The following RYR3 variants were observed in gnomAD, a reference collection of about 807,000 sequenced individuals.
RYR3 encodes the protein brain ryanodine receptor-calcium release channel.
RYR3 carries 207 observed loss-of-function variants against 584.3 expected under a neutral mutation model. The observed-to-expected ratio is 0.35, with a 90% CI of 0.32 to 0.40. The LOEUF is 0.40. Ranked by LOEUF, RYR3 falls within the 10% of genes least tolerant of loss-of-function variation. RYR3 has a pLI of 1.00. For missense variants in RYR3, 5,616 were observed against 6,089.2 expected (o/e 0.92, Z 2.59); for synonymous variants, 2,416 against 2,248.5 (o/e 1.07, Z -2.11).
chr15:33,838,781 C>G lies in RYR3; in HGVS notation c.12801C>G (p.Phe4267Leu). The change falls in exon 89 of 104, where the codon TTC becomes TTG. Residue 4267 changes from phenylalanine to leucine, a missense_variant. By Grantham distance (22) the Phe-to-Leu change is conservative (BLOSUM62 0). Transcript: ENST00000634891. Reference sequence around the variant, plus strand: ...GTATCACCACTGAACTAGTACACTTCATAAAGGGGGAGAAGGGAGATACAG... The same window carrying G: ...GTATCACCACTGAACTAGTACACTTGATAAAGGGGGAGAAGGGAGATACAG... ...EPGITTELVH[F>L]IKGEKGDTDI... 6.2e-7 allele frequency: 1 copy of G among 1,613,890 alleles called. No individual in the cohort carries two copies. Among genetic ancestry groups the G allele is most frequent in the Non-Finnish European group, 8.5e-7 (1 of 1,179,872 alleles).
At chr15:33,317,075 A>T (rs1968282061) in intron 1 of RYR3, among the ~76,000 whole-genome samples, 1 of 152,230 alleles carries the variant, frequency 6.6e-6, no homozygotes. Context: ...ATTCAGAGTT[A>T]TTTTTTGTCA....
rs2063224446 is a variant in RYR3, at chr15:33,662,495, G to C, written c.4965G>C (p.Val1655=). The C allele has an allele frequency of 6.2e-7, 1 of 1,614,036 alleles. No individual in the cohort carries two copies. ...DESKRHGLPG[V]GLRTCLKPGF... ...CCAAGAGGCATGGACTGCCTGGGGT[G>C]GGCCTGAGAACATGTCTCAAGCCCG... The change falls in exon 35 of 104, where the codon GTG becomes GTC. Residue 1655 remains valine, a synonymous_variant. Coordinates refer to ENST00000634891, the MANE Select transcript of RYR3 (RefSeq NM_001036.6).
At chr15:33,742,797 G>T (rs1275705375) in intron 52 of RYR3, among the ~76,000 whole-genome samples, 3 of 130,074 alleles carry the variant, frequency 2.3e-5, no homozygotes, top group African/African-American at 8.3e-5. Context: ...GTCTTTGAAT[G>T]CAGATTGGAA....
chr15:33,330,654 A>G (rs1349302625), intron 1 of RYR3, among the ~76,000 whole-genome samples: 2 of 152,152 alleles, frequency 1.3e-5, no homozygotes, highest in Non-Finnish European at 2.9e-5. Context: ...AGATAGTTGT[A>G]TTTTAAAATC....
rs375516570 is a variant in RYR3, at chr15:33,519,251, C to T, written c.280-11341C>T. The stretch of plus-strand genomic sequence containing the variant: ...CTGAGAAGCTTATCTACAGTCTTCA[C>T]CACACATAGATTTTGTAGTAGGGAT... On this transcript the variant is annotated intron_variant, in intron 3 of 103. Transcript: ENST00000634891. Among the ~76,000 whole-genome samples the T allele has an allele frequency of 5.9e-5, 9 of 152,234 alleles. No individual in the cohort carries two copies. The East Asian group carries it at 1.5e-3, about 26-fold the overall frequency.
In RYR3 at chr15:33,603,378, T is replaced by C. The variant is rs1212910691; in HGVS notation, c.2164+14T>C. 6.5e-7 allele frequency: 1 copy of C among 1,534,026 alleles called. No individual in the cohort carries two copies. Among genetic ancestry groups the C allele is most frequent in the African/African-American group, 1.4e-5 (1 of 72,520 alleles). Reference sequence around the variant, plus strand: ...ACCTTTGGTCAGGTGAGTACCTTGCTAAAGCTTTGGCTCATAATCTCACTG... The same window carrying C: ...ACCTTTGGTCAGGTGAGTACCTTGCCAAAGCTTTGGCTCATAATCTCACTG... On this transcript the variant is annotated intron_variant, in intron 18 of 103. Transcript: ENST00000634891.
At chr15:33,799,949 T>TGTTG (rs1555462866) in intron 67 of RYR3, among the ~76,000 whole-genome samples, 1 of 150,988 alleles carries the variant, frequency 6.6e-6, no homozygotes, top group East Asian at 2.0e-4. Context: ...TTTGTTTGTT[T>TGTTG]AGTTACTCTA....
intron 14 of RYR3, 42 bp from the exon 15 acceptor site, chr15:33,584,353 A>T: frequency 3.6e-6 from 4 of 1,099,838 alleles, no homozygotes; most frequent in East Asian, 2.4e-5. Flanking sequence ...GCCCATCATT[A>T]TATCCTTTAA....
Position 33,837,257 on chromosome 15 carries a change from C to T in RYR3, c.11650+270C>T, listed in dbSNP as rs1161448648. 2.6e-5 allele frequency among the ~76,000 whole-genome samples: 4 copies of T among 152,202 alleles called. No individual in the cohort carries two copies. The South Asian group carries it at 6.2e-4, about 24-fold the overall frequency. On this transcript the variant is annotated intron_variant, in intron 88 of 103. Coordinates refer to ENST00000634891, the MANE Select transcript of RYR3 (RefSeq NM_001036.6). ...CTCTTCCCTATCCTCTCCCTCTCCC[C>T]ATTGCTTTTCAACACATCTGGCTGC...
At chr15:33,381,182 A>G (rs967860680) in intron 1 of RYR3, among the ~76,000 whole-genome samples, 2 of 152,144 alleles carry the variant, frequency 1.3e-5, no homozygotes, top group Non-Finnish European at 2.9e-5. Flanking sequence ...TGGTTCCGCC[A>G]ATGTTTCCAA....
intron 2 of RYR3, among the ~76,000 whole-genome samples, chr15:33,485,970 G>T (rs1002678687): frequency 6.6e-6 from 1 of 152,262 alleles, no homozygotes; most frequent in South Asian, 2.1e-4. Context: ...ATGAGTGAGC[G>T]AGCAAGTTGG....
At chr15:33,755,614 TCAAAA>T (rs1237541376) in intron 58 of RYR3, among the ~76,000 whole-genome samples, 1 of 148,898 alleles carries the variant, frequency 6.7e-6, no homozygotes, top group Non-Finnish European at 1.5e-5. Flanking sequence ...AGATTCTATC[TCAAAA>T]CAAACAAACA....
At chr15:33,644,993 CAGAG>C (rs374674131) in intron 28 of RYR3, among the ~76,000 whole-genome samples, 59 of 151,698 alleles carry the variant, frequency 3.9e-4, no homozygotes, top group African/African-American at 1.3e-3. Flanking sequence ...GCCTGGGTGA[CAGAG>C]AGAGACCTCG....
rs72716807 is a variant in RYR3 at position 33,832,729 on chromosome 15, G to A, written c.11463+1638G>A. On this transcript the variant is annotated intron_variant, in intron 86 of 103. Coordinates refer to ENST00000634891, the MANE Select transcript of RYR3 (RefSeq NM_001036.6). ...AGCCCCTTAAGAGCCAAAGGGGCCA[G>A]GTGCAGTGGCTCACTGGGGCCTGTA... Among the ~76,000 whole-genome samples the A allele has an allele frequency of 8.5e-3, 1,297 of 151,912 alleles. 10 individuals carry two copies. Among genetic ancestry groups the A allele is most frequent in the Non-Finnish European group, 0.014 (972 of 67,952 alleles).
chr15:33,784,240 A>C (rs2074567361), intron 65 of RYR3, among the ~76,000 whole-genome samples: 1 of 152,210 alleles, frequency 6.6e-6, no homozygotes, highest in Non-Finnish European at 1.5e-5. Flanking sequence ...ACCATGAGAG[A>C]AATTGAGACA....
At chr15:33,827,916 G>T (rs769934002) in intron 85 of RYR3, among the ~76,000 whole-genome samples, 2 of 152,164 alleles carry the variant, frequency 1.3e-5, no homozygotes, top group Non-Finnish European at 1.5e-5. Context: ...TTGGATACAG[G>T]CATACCTCAT....
intron 1 of RYR3, among the ~76,000 whole-genome samples, chr15:33,456,109 TTCTC>T (rs1390419542): frequency 6.6e-6 from 1 of 152,178 alleles, no homozygotes; most frequent in East Asian, 1.9e-4. Flanking sequence ...AGTAAGTTCT[TTCTC>T]ATATCTCATT....
At chr15:33,715,884 C>T (rs2067456215) in intron 43 of RYR3, among the ~76,000 whole-genome samples, 1 of 152,182 alleles carries the variant, frequency 6.6e-6, no homozygotes, top group South Asian at 2.1e-4. Context: ...AAAGGCCACA[C>T]TTCCTAATAC....
At position 33,464,469 on chromosome 15, in the gene RYR3, T is replaced by C. The variant is rs1275845195; in HGVS notation, c.52-8950T>C. ...GAGACTGTAGGGAGGTGGAGATATA[T>C]ATATATATATATATATATATACACA... On this transcript the variant is annotated intron_variant, in intron 1 of 103. Transcript: ENST00000634891. 3.9e-5 allele frequency among the ~76,000 whole-genome samples: 3 copies of C among 76,498 alleles called. 1 individual carries two copies. Among genetic ancestry groups the C allele is most frequent in the African/African-American group, 2.6e-4 (3 of 11,510 alleles). 50.2% of individuals were successfully genotyped at this position (76,498 alleles called of 152,430 possible).
Sources: gnomAD v4.1 joint callset for allele counts (sites outside exome capture counted in the v4.1 genomes callset) on GRCh38, gnomAD v4.1.1 for gene constraint, MANE v1.5 for transcripts, NCBI Gene and HGNC (gene_info 2026-07-23, HGNC 2026-07-21) for gene names.